Variants in NHSL1 observed in about 807,000 individuals in gnomAD.
NHSL1 encodes the protein NHS-like protein 1.
NHSL1 carries 48 observed loss-of-function variants against 95.0 expected under a neutral mutation model. The observed-to-expected ratio is 0.51, with a 90% CI of 0.40 to 0.64. The LOEUF is 0.64. Among genes scored for constraint, NHSL1 ranks in the 30% least tolerant of loss-of-function variants. The pLI is 0.00. For missense variants in NHSL1, 1,971 were observed against 2,077.7 expected, an observed-to-expected ratio of 0.95 and a Z score of 1.00; for synonymous variants, 783 against 833.9, an observed-to-expected ratio of 0.94 and a Z score of 1.05.
chr6:138,672,760 T>A (rs1785389757), intron 1 of NHSL1, among the ~76,000 whole-genome samples: 2 of 152,210 alleles, frequency 1.3e-5, no homozygotes, highest in South Asian at 4.1e-4. Flanking sequence ...GGCTCACACC[T>A]GTAATCTCAG....
At chr6:138,440,582 C>T (rs1776465812) in intron 5 of NHSL1, among the ~76,000 whole-genome samples, 1 of 151,808 alleles carries the variant, frequency 6.6e-6, no homozygotes, top group African/African-American at 2.4e-5. Flanking sequence ...CAGAGCATTG[C>T]TATTCTCACC....
At chr6:138,567,087 T>C (rs996902574) in intron 1 of NHSL1, among the ~76,000 whole-genome samples, 2 of 144,804 alleles carry the variant, frequency 1.4e-5, no homozygotes, top group African/African-American at 5.8e-5. Flanking sequence ...GGAAGCTATT[T>C]TTTTTTTTGG....
chr6:138,449,862 A>C (rs894505741), intron 3 of NHSL1, among the ~76,000 whole-genome samples: 103 of 152,352 alleles, frequency 6.8e-4, no homozygotes, highest in African/African-American at 2.3e-3. Context: ...GATGTTCTTA[A>C]TAAATAAAAC....
At chr6:138,462,880 T>C (rs1778090807) in intron 3 of NHSL1, among the ~76,000 whole-genome samples, 1 of 151,976 alleles carries the variant, frequency 6.6e-6, no homozygotes, top group African/African-American at 2.4e-5. Context: ...GAGTTGAAAA[T>C]GTGGGCAAAG....
chr6:138,552,039 T>A (rs1216171073), intron 1 of NHSL1, among the ~76,000 whole-genome samples: 1 of 152,230 alleles, frequency 6.6e-6, no homozygotes, highest in South Asian at 2.1e-4. Flanking sequence ...GGCTCTTCAA[T>A]GGCCTCTGGC....
chr6:138,655,428 T>C (rs1222159759), intron 1 of NHSL1, among the ~76,000 whole-genome samples: 2 of 152,218 alleles, frequency 1.3e-5, no homozygotes, highest in African/African-American at 4.8e-5. Context: ...AGGATATTTC[T>C]TATCATTCCC....
chr6:138,504,325 C>A (rs1780847212), upstream of NHSL1, among the ~76,000 whole-genome samples: 1 of 152,170 alleles, frequency 6.6e-6, no homozygotes, highest in Non-Finnish European at 1.5e-5. Context: ...CAAACATGAT[C>A]ATTGACCTTT....
intron 1 of NHSL1, among the ~76,000 whole-genome samples, chr6:138,681,812 T>C (rs1374995026): frequency 1.3e-5 from 2 of 152,214 alleles, no homozygotes; most frequent in African/African-American, 4.8e-5. Context: ...CATGTGTTAT[T>C]GTAATTTAAA....
At chr6:138,501,063 G>A (rs75289177), upstream of NHSL1, among the ~76,000 whole-genome samples, 201 of 152,336 alleles carry the variant, frequency 1.3e-3, no homozygotes, top group East Asian at 0.032. Flanking sequence ...CACAAGGAGA[G>A]TTGTGGGCAA....
chr6:138,456,337 A>G (rs1156833604), intron 3 of NHSL1, among the ~76,000 whole-genome samples: 1 of 152,212 alleles, frequency 6.6e-6, no homozygotes, highest in African/African-American at 2.4e-5. Context: ...GCATCATGTT[A>G]AATAAGCCTC....
At chr6:138,667,807 T>C (rs1436342846) in intron 1 of NHSL1, among the ~76,000 whole-genome samples, 2 of 152,252 alleles carry the variant, frequency 1.3e-5, no homozygotes, top group East Asian at 1.9e-4. Flanking sequence ...GAATATCAAG[T>C]GAAGTGCTGA....
At chr6:138,535,050 C>A (rs1782280807) in intron 1 of NHSL1, among the ~76,000 whole-genome samples, 1 of 152,082 alleles carries the variant, frequency 6.6e-6, no homozygotes, top group African/African-American at 2.4e-5. Context: ...TGAAATGAAG[C>A]TTTAAAGCAA....
At chr6:138,484,374 A>C (rs1779602097) in intron 2 of NHSL1, among the ~76,000 whole-genome samples, 1 of 152,230 alleles carries the variant, frequency 6.6e-6, no homozygotes, top group South Asian at 2.1e-4. Context: ...AATGATAAGC[A>C]GACTGCCTAA....
intron 1 of NHSL1, among the ~76,000 whole-genome samples, chr6:138,608,767 T>C (rs970594086): frequency 2.0e-5 from 3 of 152,240 alleles, no homozygotes; most frequent in Non-Finnish European, 2.9e-5. Context: ...CTCCATAATT[T>C]ATAAGACAAA....
At chr6:138,499,166 C>T (rs1477582835) in intron 1 of NHSL1, 67 bp downstream of exon 1, 2 of 1,040,230 alleles carry the variant, frequency 1.9e-6, no homozygotes, top group East Asian at 5.3e-5. Context: ...CACAGACACA[C>T]AGGGACATAT....
At chr6:138,531,941 A>G (rs1282468119) in intron 1 of NHSL1, among the ~76,000 whole-genome samples, 1 of 152,220 alleles carries the variant, frequency 6.6e-6, no homozygotes, top group African/African-American at 2.4e-5. Context: ...GTAATGAACA[A>G]TACACATTCC....
intron 1 of NHSL1, among the ~76,000 whole-genome samples, chr6:138,531,858 T>C (rs1455722676): frequency 6.6e-6 from 1 of 152,202 alleles, no homozygotes; most frequent in African/African-American, 2.4e-5. Context: ...AGAATTTTCC[T>C]TTATATCTTA....
intron 1 of NHSL1, among the ~76,000 whole-genome samples, chr6:138,608,726 C>T (rs1014727237): frequency 6.6e-6 from 1 of 152,166 alleles, no homozygotes; most frequent in Non-Finnish European, 1.5e-5. Flanking sequence ...CAAAGCAGAG[C>T]GGCCTCCTTC....
chr6:138,593,972 A>G (rs1432131068), intron 1 of NHSL1, among the ~76,000 whole-genome samples: 1 of 152,220 alleles, frequency 6.6e-6, no homozygotes, highest in Non-Finnish European at 1.5e-5. Context: ...TAGGTATAGG[A>G]GCAAAAAGTA....
Sources: gnomAD v4.1 joint callset for allele counts (sites outside exome capture counted in the v4.1 genomes callset) on GRCh38, gnomAD v4.1.1 for gene constraint, MANE v1.5 for transcripts, NCBI Gene and HGNC (gene_info 2026-07-23, HGNC 2026-07-21) for gene names.